ARL15: variants seen among roughly 807,000 people sequenced by gnomAD.
ARL15 encodes the protein ADP-ribosylation factor-like protein 15.
In ARL15, 19 loss-of-function variants were observed where a neutral mutation model predicts 25.2. The ratio of observed to expected loss-of-function variants is 0.75; its 90% confidence interval spans 0.53 to 1.10. ARL15 has a LOEUF of 1.10. Ranked by LOEUF, ARL15 falls within the 50% of genes least tolerant of loss-of-function variation. The pLI, the probability that ARL15 is intolerant of heterozygous loss-of-function variation, is 0.00. For synonymous variants in ARL15, 94 were observed against 86.8 expected, an observed-to-expected ratio of 1.08 and a Z score of -0.46; for missense variants, 220 against 246.0, an observed-to-expected ratio of 0.89 and a Z score of 0.71.
chr5:54,057,357 T>C (rs1203702920), intron 4 of ARL15, among the ~76,000 whole-genome samples: 1 of 152,188 alleles, frequency 6.6e-6, no homozygotes, highest in African/African-American at 2.4e-5. Context: ...ATGATTTTCC[T>C]CCAAAAATGA....
In ARL15 at chr5:54,138,525, A is replaced by G. The variant is rs569676104; in HGVS notation, c.253+16055T>C. Among the ~76,000 whole-genome samples, 6 of 152,302 alleles carry G rather than the reference A, an allele frequency of 3.9e-5. No homozygotes were observed. In the South Asian group the frequency reaches 1.2e-3, roughly 32 times the overall value. On this transcript the variant is annotated intron_variant, in intron 3 of 4. Coordinates refer to ENST00000504924, the MANE Select transcript of ARL15 (RefSeq NM_019087.3). ...CCACTTACACAAAAATCAACCCAAG[A>G]TGGATCCAGACATAAATCTAAGACC...
intron 4 of ARL15, among the ~76,000 whole-genome samples, chr5:54,080,746 G>A (rs1751771103): frequency 1.3e-5 from 2 of 152,288 alleles, no homozygotes; most frequent in African/African-American, 4.8e-5. Flanking sequence ...TCAGCTGAGT[G>A]CTCTGAAACT....
At chr5:54,058,138 T>C (rs1485581541) in intron 4 of ARL15, among the ~76,000 whole-genome samples, 3 of 151,874 alleles carry the variant, frequency 2.0e-5, no homozygotes, top group Non-Finnish European at 2.9e-5. Flanking sequence ...CCCGAGTAGC[T>C]GGGATTATAG....
At chr5:53,999,169 G>A (rs1232690379) in intron 4 of ARL15, among the ~76,000 whole-genome samples, 1 of 152,176 alleles carries the variant, frequency 6.6e-6, no homozygotes, top group African/African-American at 2.4e-5. Flanking sequence ...TATACTCAAG[G>A]AATAGAGAGG....
At chr5:54,259,475 T>C (rs1757444220) in intron 1 of ARL15, among the ~76,000 whole-genome samples, 1 of 152,060 alleles carries the variant, frequency 6.6e-6, no homozygotes, top group African/African-American at 2.4e-5. Context: ...CCACACATCT[T>C]CTCCTTCCCA....
intron 4 of ARL15, among the ~76,000 whole-genome samples, chr5:54,056,586 C>T (rs1171154029): frequency 6.7e-6 from 1 of 149,532 alleles, no homozygotes; most frequent in African/African-American, 2.5e-5. Flanking sequence ...GCCAACATTG[C>T]GCCACTGCAC....
chr5:54,083,975 T>A (rs562810265), intron 4 of ARL15, among the ~76,000 whole-genome samples: 20 of 152,258 alleles, frequency 1.3e-4, no homozygotes, highest in South Asian at 4.1e-4. Flanking sequence ...GAATGATCTA[T>A]ATGGGGGTAG....
intron 1 of ARL15, among the ~76,000 whole-genome samples, chr5:54,297,813 C>T (rs1048068234): frequency 2.7e-4 from 41 of 152,108 alleles, no homozygotes; most frequent in Non-Finnish European, 4.0e-4. Context: ...GACGGAGTCT[C>T]GCTCTGTCGC....
At position 53,937,294 on chromosome 5, in the gene ARL15, TACAC is replaced by T. The variant is rs10647066; in HGVS notation, c.463-50585_463-50582del. Among the ~76,000 whole-genome samples, 587 of 149,620 alleles carry T rather than the reference TACAC, an allele frequency of 3.9e-3. 1 individual carries two copies. The highest frequency in any genetic ancestry group is 6.0e-3 in the Non-Finnish European group (403 of 67,216). On this transcript the variant is annotated intron_variant, in intron 4 of 4. Transcript: ENST00000504924. ...AAATACACATGTGCACGCCTGCGCATACACACACACACACACACACACAGCCTGA... is the reference window on the plus strand; with the variant it reads ...AAATACACATGTGCACGCCTGCGCATACACACACACACACACACAGCCTGA...
At chr5:53,953,782 A>G (rs1212019411) in intron 4 of ARL15, among the ~76,000 whole-genome samples, 1 of 152,218 alleles carries the variant, frequency 6.6e-6, no homozygotes, top group Non-Finnish European at 1.5e-5. Context: ...ATACGGATAT[A>G]TCAAAAGTTC....
At chr5:54,168,211 C>T (rs946823840) in intron 2 of ARL15, among the ~76,000 whole-genome samples, 6 of 152,220 alleles carry the variant, frequency 3.9e-5, no homozygotes, top group Admixed American at 1.3e-4. Flanking sequence ...CACCTTTCTT[C>T]CCGCTTTCTA....
At chr5:54,303,655 C>CA (rs749656181) in intron 1 of ARL15, among the ~76,000 whole-genome samples, 1,264 of 31,956 alleles carry the variant, frequency 0.04, 29 homozygotes, top group African/African-American at 0.1. Flanking sequence ...GAGACCCTGT[C>CA]AAAAAAAAAA....
At chr5:53,893,127 AT>A (rs773562477) in intron 4 of ARL15, among the ~76,000 whole-genome samples, 16 of 151,780 alleles carry the variant, frequency 1.1e-4, no homozygotes, top group Non-Finnish European at 1.9e-4. Context: ...TTGCATTGAA[AT>A]TTTTCTCAGT....
intron 4 of ARL15, among the ~76,000 whole-genome samples, chr5:53,886,987 A>G (rs1046944272): frequency 6.6e-6 from 1 of 152,214 alleles, no homozygotes; most frequent in Admixed American, 6.5e-5. Context: ...TGATGAAGTC[A>G]GAGAAAAAAT....
chr5:54,213,490 C>T (rs533972506), intron 1 of ARL15, among the ~76,000 whole-genome samples: 1 of 152,278 alleles, frequency 6.6e-6, no homozygotes, highest in South Asian at 2.1e-4. Context: ...TTAATCAAAA[C>T]ACAGTCAGGA....
chr5:53,985,171 T>A (rs1030230003), intron 4 of ARL15, among the ~76,000 whole-genome samples: 2 of 152,000 alleles, frequency 1.3e-5, no homozygotes, highest in African/African-American at 4.8e-5. Context: ...TAATCAACCT[T>A]TTCCACCACT....
chr5:54,310,317 C>A (rs1355049714), intron 1 of ARL15, 115 bp downstream of exon 1: 3 of 1,224,054 alleles, frequency 2.5e-6, no homozygotes, highest in African/African-American at 3.1e-5. Flanking sequence ...GGAGAAAGAA[C>A]CCCAGAGGCA....
intron 4 of ARL15, among the ~76,000 whole-genome samples, chr5:53,996,478 G>C (rs1214328749): frequency 1.3e-5 from 2 of 152,082 alleles, no homozygotes; most frequent in Non-Finnish European, 2.9e-5. Flanking sequence ...AATTAGCTGG[G>C]CACGGTGGTG....
At position 54,143,272 on chromosome 5, in the gene ARL15, A is replaced by G. The variant is rs1012004520; in HGVS notation, c.253+11308T>C. Among the ~76,000 whole-genome samples the G allele has an allele frequency of 2.0e-5, 3 of 152,164 alleles. No individual in the cohort carries two copies. In the South Asian group the frequency reaches 6.2e-4, roughly 32 times the overall value. ...TCTTAGTTTTAGCTTTATATAGTTC[A>G]GGATTATGTAGTTAAATATTTAAAG... is the stretch of plus-strand genomic sequence containing the variant. On this transcript the variant is annotated intron_variant, in intron 3 of 4. Coordinates refer to ENST00000504924, the MANE Select transcript of ARL15 (RefSeq NM_019087.3).
Sources: allele counts gnomAD v4.1 joint callset (sites outside exome capture counted in the v4.1 genomes callset), GRCh38; gene constraint gnomAD v4.1.1; transcripts MANE v1.5; gene names NCBI Gene and HGNC (gene_info 2026-07-23, HGNC 2026-07-21).